Variants in NLGN1 observed in about 807,000 individuals in gnomAD.
The protein encoded by NLGN1 is neuroligin 1.
NLGN1 carries 12 observed loss-of-function variants against 65.5 expected under a neutral mutation model. The ratio of observed to expected loss-of-function variants is 0.18; its 90% CI spans 0.12 to 0.30. NLGN1 has a LOEUF of 0.30. Ranked by LOEUF, NLGN1 falls within the 10% of genes least tolerant of loss-of-function variation. NLGN1 has a pLI of 1.00. For missense variants in NLGN1, 750 were observed against 1,007.1 expected (o/e 0.74, Z 3.46); for synonymous variants, 350 against 359.5 (o/e 0.97, Z 0.30).
chr3:173,891,632 A>G (rs539654536), intron 4 of NLGN1, among the ~76,000 whole-genome samples: 1 of 152,322 alleles, frequency 6.6e-6, no homozygotes, highest in Admixed American at 6.5e-5. Context: ...GCCAATGTCC[A>G]GGCCCATTTG....
intron 4 of NLGN1, among the ~76,000 whole-genome samples, chr3:174,071,319 A>G (rs889851234): frequency 6.6e-6 from 1 of 152,150 alleles, no homozygotes; most frequent in Non-Finnish European, 1.5e-5. Flanking sequence ...ATCAATTAGG[A>G]AAAAGGAAGT....
intron 3 of NLGN1, among the ~76,000 whole-genome samples, chr3:173,664,273 A>G (rs1438179161): frequency 6.6e-6 from 1 of 152,112 alleles, no homozygotes; most frequent in African/African-American, 2.4e-5. Context: ...CCTAAAATGA[A>G]CTTTAAAAAA....
At chr3:174,090,708 G>C (rs918135844) in intron 4 of NLGN1, among the ~76,000 whole-genome samples, 8 of 151,192 alleles carry the variant, frequency 5.3e-5, no homozygotes, top group African/African-American at 2.0e-4. Context: ...ATTTGTACGT[G>C]ACGGAAGGTG....
intron 4 of NLGN1, among the ~76,000 whole-genome samples, chr3:174,239,039 T>G (rs1742293669): frequency 6.6e-6 from 1 of 152,060 alleles, no homozygotes; most frequent in Non-Finnish European, 1.5e-5. Context: ...AATAATATAT[T>G]GCCTAGTTCT....
intron 2 of NLGN1, among the ~76,000 whole-genome samples, chr3:173,496,856 C>T (rs1478327370): frequency 1.3e-5 from 2 of 151,748 alleles, no homozygotes; most frequent in African/African-American, 2.4e-5. Context: ...CCTTTTTAAT[C>T]GAACTCTAGG....
At chr3:174,186,395 G>A (rs1194021744) in intron 4 of NLGN1, among the ~76,000 whole-genome samples, 5 of 151,892 alleles carry the variant, frequency 3.3e-5, no homozygotes, top group African/African-American at 7.2e-5. Flanking sequence ...TCACTTTCTC[G>A]TGGTAGAAAG....
At chr3:173,452,730 A>G (rs981000208) in intron 2 of NLGN1, among the ~76,000 whole-genome samples, 1 of 152,194 alleles carries the variant, frequency 6.6e-6, no homozygotes, top group Non-Finnish European at 1.5e-5. Flanking sequence ...AGATTACTTG[A>G]TAGATAGATG....
chr3:174,167,201 T>G (rs991802913), intron 4 of NLGN1, among the ~76,000 whole-genome samples: 1 of 152,150 alleles, frequency 6.6e-6, no homozygotes, highest in African/African-American at 2.4e-5. Flanking sequence ...AATATTGATA[T>G]ATGAGGTTTT....
chr3:173,781,935 T>C (rs1482542590), intron 3 of NLGN1, among the ~76,000 whole-genome samples: 1 of 152,196 alleles, frequency 6.6e-6, no homozygotes, highest in African/African-American at 2.4e-5. Context: ...TTCATTAAGC[T>C]TTATTTGATT....
rs144494877 is a variant in NLGN1 at position 173,427,380 on chromosome 3, A to G, written c.-389-7630A>G. Among the ~76,000 whole-genome samples the G allele has an allele frequency of 2.7e-3, 414 of 151,244 alleles. 4 individuals are homozygous for G. Among genetic ancestry groups the G allele is most frequent in the East Asian group, 0.012 (64 of 5,136 alleles). ...CAGTTTGGATTGTTCATGCTTTTCT[A>G]TTTCCTTTAGATGCATAGTTAGGTT... On this transcript the variant is annotated intron_variant, in intron 1 of 6. Coordinates refer to ENST00000457714, the Ensembl canonical transcript of NLGN1.
intron 3 of NLGN1, among the ~76,000 whole-genome samples, chr3:173,619,474 C>T (rs1392733796): frequency 6.6e-6 from 1 of 152,106 alleles, no homozygotes. Flanking sequence ...TCATAGGGGA[C>T]AATCAAGCAA....
At chr3:173,730,538 T>G (rs1333686031) in intron 3 of NLGN1, among the ~76,000 whole-genome samples, 1 of 151,868 alleles carries the variant, frequency 6.6e-6, no homozygotes, top group Non-Finnish European at 1.5e-5. Context: ...CAGTGGTATT[T>G]TACACTCATT....
chr3:173,774,823 C>T (rs1465882176), intron 3 of NLGN1, among the ~76,000 whole-genome samples: 1 of 152,012 alleles, frequency 6.6e-6, no homozygotes, highest in Non-Finnish European at 1.5e-5. Context: ...ACAGCCTCCC[C>T]CAGCCCCCTC....
At chr3:174,022,395 T>A (rs1351686650) in intron 4 of NLGN1, among the ~76,000 whole-genome samples, 4 of 152,070 alleles carry the variant, frequency 2.6e-5, no homozygotes, top group African/African-American at 7.2e-5. Context: ...GTAATGAGGT[T>A]CCCATTGCCA....
intron 3 of NLGN1, 93 bp from the exon 4 acceptor site, chr3:173,807,587 T>G: frequency 7.3e-7 from 1 of 1,376,212 alleles, no homozygotes; most frequent in Middle Eastern, 1.8e-4. Context: ...ATTGAAATTA[T>G]GCCCTCTTTT....
At chr3:173,782,110 T>G (rs949915627) in intron 3 of NLGN1, among the ~76,000 whole-genome samples, 1 of 150,298 alleles carries the variant, frequency 6.7e-6, no homozygotes, top group Non-Finnish European at 1.5e-5. Context: ...TTTTTTTTAG[T>G]TTTCTTTGTC....
chr3:174,253,268 GACTC>G (rs913295022), intron 4 of NLGN1, among the ~76,000 whole-genome samples: 6 of 152,098 alleles, frequency 3.9e-5, no homozygotes, highest in African/African-American at 1.4e-4. Context: ...TCTGAAAAAG[GACTC>G]ACTCTTTACA....
At chr3:173,868,237 A>C (rs940010428) in intron 4 of NLGN1, among the ~76,000 whole-genome samples, 1 of 152,160 alleles carries the variant, frequency 6.6e-6, no homozygotes, top group African/African-American at 2.4e-5. Context: ...GCATGAGAGA[A>C]AGTGAATATG....
At chr3:173,831,666 TG>T (rs751389477) in intron 4 of NLGN1, among the ~76,000 whole-genome samples, 33 of 152,340 alleles carry the variant, frequency 2.2e-4, no homozygotes, top group Admixed American at 1.1e-3. Context: ...AACAGGAAGA[TG>T]TTTTTTTCAT....
Sources: gnomAD v4.1 joint callset for allele counts (sites outside exome capture counted in the v4.1 genomes callset) on GRCh38, gnomAD v4.1.1 for gene constraint, MANE v1.5 for transcripts, NCBI Gene and HGNC (gene_info 2026-07-23, HGNC 2026-07-21) for gene names.